GPRC5D: variants seen among roughly 807,000 people sequenced by gnomAD.
The protein encoded by GPRC5D is G protein-coupled receptor family C group 5 member D.
A neutral mutation model predicts 29.3 loss-of-function variants in GPRC5D; 20 were observed. The observed-to-expected ratio is 0.68, with a 90% CI of 0.48 to 0.99. The LOEUF (loss-of-function observed/expected upper bound fraction) is 0.99. Ranked by LOEUF, GPRC5D falls within the 50% of genes least tolerant of loss-of-function variation. The pLI is 0.00. For missense variants in GPRC5D, 384 were observed against 423.6 expected (o/e 0.91, Z 0.82); for synonymous variants, 178 against 171.3 (o/e 1.04, Z -0.30).
intron 1 of GPRC5D, among the ~76,000 whole-genome samples, chr12:12,949,087 C>T (rs191313286): frequency 2.6e-5 from 4 of 152,276 alleles, no homozygotes; most frequent in East Asian, 1.9e-4. Context: ...CTGCCAGGAT[C>T]GGCTGTTGCA....
chr12:12,949,413 T>C (rs1217844292), intron 1 of GPRC5D, 77 bp downstream of exon 2: 1 of 1,268,012 alleles, frequency 7.9e-7, no homozygotes, highest in African/African-American at 1.5e-5. Context: ...TCCTCTTGGC[T>C]CATCCTACTG....
chr12:12,950,578 G>A (rs1285071132), upstream of GPRC5D: 8 of 577,114 alleles, frequency 1.4e-5, no homozygotes, highest in Admixed American at 6.1e-5. Context: ...AGGCTGAGGC[G>A]GGCCGATCAC....
At position 12,940,971 on chromosome 12, in the gene GPRC5D, G is replaced by C. The variant is rs182558881; in HGVS notation, c.964-122C>G. The C allele has an allele frequency of 9.1e-5, 58 of 639,726 alleles. No individual in the cohort carries two copies. In the African/African-American group the frequency reaches 1.0e-3, roughly 11 times the overall value. The allele number at this position is 639,726 out of a possible 1,614,324, so 39.6% of individuals were successfully genotyped here. ...CTGTCACCCAGGCTGGAGTGCAGTG[G>C]TGTGATCTGGGCTCACTGCAAACTC... is the stretch of plus-strand genomic sequence containing the variant. On this transcript the variant is annotated intron_variant, in intron 2 of 2. Transcript: ENST00000228887.
At chr12:12,947,913 C>T (rs901233954) in intron 1 of GPRC5D, among the ~76,000 whole-genome samples, 1 of 152,266 alleles carries the variant, frequency 6.6e-6, no homozygotes, top group Non-Finnish European at 1.5e-5. Flanking sequence ...TTTCAAATTA[C>T]ATTGATGATG....
At chr12:12,943,186 G>A (rs1282687902) in intron 1 of GPRC5D, among the ~76,000 whole-genome samples, 1 of 152,186 alleles carries the variant, frequency 6.6e-6, no homozygotes, top group Non-Finnish European at 1.5e-5. Context: ...ATAGGTATTT[G>A]TTTAATGGCT....
intron 1 of GPRC5D, among the ~76,000 whole-genome samples, chr12:12,943,720 C>T (rs1863207715): frequency 6.6e-6 from 1 of 152,200 alleles, no homozygotes; most frequent in Non-Finnish European, 1.5e-5. Context: ...GGCTCAACTT[C>T]ATTCCTTGTG....
downstream of GPRC5D, chr12:12,940,694 T>C: frequency 1.3e-6 from 1 of 799,082 alleles, no homozygotes; most frequent in Non-Finnish European, 2.2e-6. Context: ...GCAGCGTGAC[T>C]CTGTGGGCCC....
chr12:12,949,991 T>G, exon 1 of GPRC5D: 1 of 1,614,022 alleles, frequency 6.2e-7, no homozygotes, highest in Non-Finnish European at 8.5e-7. Context: ...CCAATAGCAA[T>G]GCACAGAATT....
chr12:12,950,255 A>G, exon 1 of GPRC5D: 1 of 1,614,034 alleles, frequency 6.2e-7, no homozygotes, highest in Non-Finnish European at 8.5e-7. Context: ...AGGAAGAGAA[A>G]TGCTAAGAGT....
intron 2 of GPRC5D, 121 bp from the exon 4 acceptor site, chr12:12,940,970 G>T (rs1265670601): frequency 6.3e-6 from 4 of 638,662 alleles, no homozygotes; most frequent in African/African-American, 3.6e-5. Flanking sequence ...GGAGTGCAGT[G>T]GTGTGATCTG....
chr12:12,947,489 C>T (rs534069591), intron 1 of GPRC5D, among the ~76,000 whole-genome samples: 2 of 152,254 alleles, frequency 1.3e-5, no homozygotes, highest in East Asian at 3.9e-4. Context: ...TTTGCCCAAT[C>T]TTGGAGGGCA....
At chr12:12,944,997 C>G (rs1377141265) in intron 1 of GPRC5D, among the ~76,000 whole-genome samples, 4 of 147,840 alleles carry the variant, frequency 2.7e-5, no homozygotes, top group African/African-American at 1.0e-4. Context: ...CTCTTTCTCT[C>G]TCTCTTTCTC....
exon 1 of GPRC5D, chr12:12,950,023 C>A (rs1046024766): frequency 4.3e-6 from 7 of 1,614,010 alleles, no homozygotes; most frequent in Non-Finnish European, 5.1e-6. Flanking sequence ...GAAGGAGACA[C>A]AACCCCGAAC....
chr12:12,944,772 T>TTC (rs1565476883), intron 1 of GPRC5D, among the ~76,000 whole-genome samples: 1 of 25,428 alleles, frequency 3.9e-5, no homozygotes, highest in African/African-American at 7.6e-5. Context: ...TTCCTTCCTT[T>TTC]CTTCCTTCCT....
chr12:12,945,205 A>G (rs973110594), intron 1 of GPRC5D, among the ~76,000 whole-genome samples: 1 of 151,846 alleles, frequency 6.6e-6, no homozygotes, highest in African/African-American at 2.4e-5. Context: ...GCATTTCACC[A>G]TGTTGGCCAG....
intron 1 of GPRC5D, among the ~76,000 whole-genome samples, chr12:12,945,371 A>C (rs7135352): frequency 0.82 from 124,018 of 152,094 alleles, 52,038 homozygotes; most frequent in Non-Finnish European, 0.91. Context: ...CTGTTAGTCT[A>C]AAACAGATAA....
At chr12:12,949,383 CTGACCA>C in intron 1 of GPRC5D, 101 bp downstream of exon 2, 1 of 959,140 alleles carries the variant, frequency 1.0e-6, no homozygotes, top group Non-Finnish European at 1.6e-6. Context: ...CACCCCAAAT[CTGACCA>C]TTTTCTTTTA....
chr12:12,942,884 A>C (rs559778828), intron 1 of GPRC5D, among the ~76,000 whole-genome samples: 1 of 152,330 alleles, frequency 6.6e-6, no homozygotes, highest in African/African-American at 2.4e-5. Flanking sequence ...CACTAGCTCC[A>C]AGTCAGTTCT....
chr12:12,949,458 C>T lies in GPRC5D; in HGVS notation c.895+32G>A, dbSNP rs765427766. 9 of 1,550,438 alleles carry T rather than the reference C, an allele frequency of 5.8e-6. No homozygotes were observed. In the East Asian group the frequency reaches 1.1e-4, roughly 19 times the overall value. ...TCTCCTGCTTCTCCTGTAGGAGCACCTCCCTGCTCCCTGAATCCCCCAGGA... is the reference window on the plus strand; with the variant it reads ...TCTCCTGCTTCTCCTGTAGGAGCACTTCCCTGCTCCCTGAATCCCCCAGGA... On this transcript the variant is annotated intron_variant, in intron 1 of 2. Transcript: ENST00000228887.
Sources: gnomAD v4.1 joint callset for allele counts (sites outside exome capture counted in the v4.1 genomes callset) on GRCh38, gnomAD v4.1.1 for gene constraint, MANE v1.5 for transcripts, NCBI Gene and HGNC (gene_info 2026-07-23, HGNC 2026-07-21) for gene names.